Variants in PCDHA1 observed in about 807,000 individuals in gnomAD.
The protein encoded by PCDHA1 is protocadherin alpha-1.
PCDHA1 carries 42 observed loss-of-function variants against 61.3 expected under a neutral mutation model. That is an observed-to-expected ratio of 0.69 (90% CI 0.54 to 0.89). The LOEUF (loss-of-function observed/expected upper bound fraction) is 0.89. PCDHA1 is among the 40% of genes least tolerant of loss of function. The probability of loss-of-function intolerance (pLI) is 0.00; values close to 1 mark genes in which losing one functional copy is unlikely to be tolerated. For synonymous variants in PCDHA1, 610 were observed against 553.8 expected (o/e 1.10, Z -1.43); for missense variants, 1,256 against 1,235.3 (o/e 1.02, Z -0.25).
intron 1 of PCDHA1, chr5:140,927,671 C>T (rs2084485955): frequency 6.2e-7 from 1 of 1,614,198 alleles, no homozygotes; most frequent in Non-Finnish European, 8.5e-7. Context: ...GCCTTGGATC[C>T]AGATGAAGGG....
chr5:140,875,771 C>T lies in PCDHA1; in HGVS notation c.2394+87087C>T, dbSNP rs182160950. 7,595 of 1,614,196 alleles carry T rather than the reference C, an allele frequency of 4.7e-3. 28 individuals carry two copies. Among genetic ancestry groups the T allele is most frequent in the Middle Eastern group, 6.4e-3 (39 of 6,062 alleles). ...CGCGAGAAGCTGTGCGGGCGGAGCG[C>T]GGAGTGCAGTATCCACCTGGAGGTG... On this transcript the variant is annotated intron_variant, in intron 1 of 3. Transcript: ENST00000504120.
chr5:140,810,615 T>C (rs1764697089), intron 1 of PCDHA1: 1 of 152,218 alleles, frequency 6.6e-6, no homozygotes, highest in South Asian at 2.1e-4. Flanking sequence ...TTATACCTTA[T>C]TTTGTGCAAT....
In PCDHA1 at chr5:140,883,728, A is replaced by G. The variant is rs781971725; in HGVS notation, c.2394+95044A>G. 2 of 1,613,392 alleles carry G rather than the reference A, an allele frequency of 1.2e-6. No homozygotes were observed. The highest frequency in any genetic ancestry group is 2.7e-5 in the African/African-American group (2 of 74,914). On this transcript the variant is annotated intron_variant, in intron 1 of 3. Transcript: ENST00000504120. ...GCTCAGGACGCGGACGCACAGGAGA[A>G]CGCGCTGGTCTCCTACTCGCTGGTG...
chr5:140,982,330 A>G (rs1164990385), intron 2 of PCDHA1, 145 bp from the exon 3 acceptor site: 3 of 1,429,408 alleles, frequency 2.1e-6, no homozygotes, highest in Non-Finnish European at 2.8e-6. Flanking sequence ...GTGACTGCTC[A>G]GCAGTAATTG....
chr5:140,870,714 C>G (rs2052324296), intron 1 of PCDHA1: 3 of 1,613,110 alleles, frequency 1.9e-6, no homozygotes, highest in Non-Finnish European at 8.5e-7. Context: ...TGAGCGCGCG[C>G]GATGCGGGCG....
intron 1 of PCDHA1, among the ~76,000 whole-genome samples, chr5:140,799,380 A>T (rs1762424365): frequency 6.6e-6 from 1 of 152,158 alleles, no homozygotes; most frequent in Non-Finnish European, 1.5e-5. Context: ...GAAGTCCATG[A>T]AGTTTAAAAA....
chr5:140,837,446 TA>T (rs1775051312), intron 1 of PCDHA1, among the ~76,000 whole-genome samples: 1 of 151,960 alleles, frequency 6.6e-6, no homozygotes, highest in South Asian at 2.1e-4. Flanking sequence ...TAGTACGTAG[TA>T]AAAAATCTCC....
chr5:140,870,722 G>C (rs1554164638), intron 1 of PCDHA1: 20 of 1,613,222 alleles, frequency 1.2e-5, no homozygotes, highest in Non-Finnish European at 1.4e-5. Context: ...CGCGATGCGG[G>C]CGTGCCGCCT....
chr5:140,848,400 G>T, intron 1 of PCDHA1: 1 of 1,298,514 alleles, frequency 7.7e-7, no homozygotes. Context: ...TGTGCTGAAC[G>T]ATGGCGAACA....
chr5:140,874,005 C>T (rs887497526), intron 1 of PCDHA1, among the ~76,000 whole-genome samples: 1 of 152,100 alleles, frequency 6.6e-6, no homozygotes, highest in South Asian at 2.1e-4. Context: ...GTACATTGAC[C>T]ACTTTTGAAA....
chr5:140,871,032 C>G (rs1554165004), intron 1 of PCDHA1: 1 of 1,613,304 alleles, frequency 6.2e-7, no homozygotes. Flanking sequence ...ACTCGCCGCG[C>G]CACCGACTTC....
At chr5:140,919,452 A>G (rs1430872710) in intron 1 of PCDHA1, among the ~76,000 whole-genome samples, 4 of 152,182 alleles carry the variant, frequency 2.6e-5, no homozygotes, top group Non-Finnish European at 4.4e-5. Context: ...ATGTATTCAC[A>G]TGATGTTACT....
chr5:140,916,582 A>G (rs1191941149), intron 1 of PCDHA1, among the ~76,000 whole-genome samples: 7 of 152,188 alleles, frequency 4.6e-5, no homozygotes, highest in Non-Finnish European at 1.0e-4. Flanking sequence ...AATGTCATCC[A>G]TGAGCTAGGG....
intron 1 of PCDHA1, among the ~76,000 whole-genome samples, chr5:140,889,692 T>C (rs1237047126): frequency 1.3e-5 from 2 of 152,202 alleles, no homozygotes; most frequent in Non-Finnish European, 1.5e-5. Context: ...TTTAGTATTA[T>C]GGGCATATTC....
At chr5:140,830,184 T>G in intron 1 of PCDHA1, 4 of 1,613,576 alleles carry the variant, frequency 2.5e-6, no homozygotes, top group South Asian at 2.2e-5. Context: ...GATGTCAACG[T>G]GTACCTGATC....
intron 1 of PCDHA1, chr5:140,796,185 G>A: frequency 6.2e-7 from 1 of 1,614,218 alleles, no homozygotes; most frequent in Non-Finnish European, 8.5e-7. Context: ...ACTACTCGTT[G>A]GTGCTGGACA....
rs782729225 is a variant in PCDHA1 at position 140,808,755 on chromosome 5, T to C, written c.2394+20071T>C. On this transcript the variant is annotated intron_variant, in intron 1 of 3. Transcript: ENST00000504120. ...GGCAAGGTGTACGCGCTGCAGCCGC[T>C]GGACCACGAGGAGCTAGAGCTGCTG... is the stretch of plus-strand genomic sequence containing the variant. 113 of 1,612,122 alleles carry C rather than the reference T, an allele frequency of 7.0e-5. 1 individual carries two copies. The South Asian group carries it at 1.0e-3, about 14-fold the overall frequency.
At chr5:140,876,361 C>A in intron 1 of PCDHA1, 1 of 1,613,880 alleles carries the variant, frequency 6.2e-7, no homozygotes. Flanking sequence ...TTCAATAAAT[C>A]CAGACACAGG....
chr5:140,804,344 T>C (rs1356839556), intron 1 of PCDHA1: 1 of 152,178 alleles, frequency 6.6e-6, no homozygotes, highest in East Asian at 1.9e-4. Flanking sequence ...CTGTATTATA[T>C]GTTAAAATTT....
Sources: allele counts gnomAD v4.1 joint callset (sites outside exome capture counted in the v4.1 genomes callset), GRCh38; gene constraint gnomAD v4.1.1; transcripts MANE v1.5; gene names NCBI Gene and HGNC (gene_info 2026-07-23, HGNC 2026-07-21).